Variants in FBXL17 observed in about 807,000 individuals in gnomAD.
The protein encoded by FBXL17 is F-box/LRR-repeat protein 17.
A neutral mutation model predicts 66.2 loss-of-function variants in FBXL17; 22 were observed. The ratio of observed to expected loss-of-function variants is 0.33; its 90% CI spans 0.24 to 0.47. The LOEUF is 0.47. FBXL17 is among the 20% of genes least tolerant of loss of function. The pLI, the probability that FBXL17 is intolerant of heterozygous loss-of-function variation, is 1.00. For missense variants in FBXL17, 878 were observed against 948.2 expected, an observed-to-expected ratio of 0.93 and a Z score of 0.97; for synonymous variants, 474 against 400.5, an observed-to-expected ratio of 1.18 and a Z score of -2.19.
intron 7 of FBXL17, among the ~76,000 whole-genome samples, chr5:107,936,504 T>TCAA (rs1750912582): frequency 6.6e-6 from 1 of 152,144 alleles, no homozygotes; most frequent in Non-Finnish European, 1.5e-5. Context: ...TTCTAGCTAA[T>TCAA]TATTCTTCCT....
intron 4 of FBXL17, among the ~76,000 whole-genome samples, chr5:108,281,856 T>G (rs375284432): frequency 1.3e-5 from 2 of 151,546 alleles, no homozygotes; most frequent in South Asian, 4.1e-4. Context: ...CTTATAACCA[T>G]AGAAATACAA....
intron 4 of FBXL17, among the ~76,000 whole-genome samples, chr5:108,273,292 A>C (rs1246618942): frequency 2.0e-5 from 3 of 152,066 alleles, no homozygotes; most frequent in Non-Finnish European, 4.4e-5. Context: ...ATACATATGT[A>C]ACTAACCTGC....
intron 4 of FBXL17, among the ~76,000 whole-genome samples, chr5:108,312,416 T>G (rs1289231647): frequency 1.3e-5 from 2 of 152,172 alleles, no homozygotes; most frequent in Non-Finnish European, 2.9e-5. Flanking sequence ...TGCTTGACTG[T>G]AGCAGTCCAA....
intron 7 of FBXL17, among the ~76,000 whole-genome samples, chr5:107,887,983 A>G (rs527517581): frequency 3.5e-4 from 54 of 152,306 alleles, no homozygotes; most frequent in Middle Eastern, 3.4e-3. Context: ...TGGTCTCTCA[A>G]ACGGTAGTTA....
chr5:107,987,009 T>C (rs1471484094), intron 7 of FBXL17, among the ~76,000 whole-genome samples: 1 of 151,944 alleles, frequency 6.6e-6, no homozygotes, highest in East Asian at 1.9e-4. Flanking sequence ...AAAACACGAA[T>C]AAACTCAGGA....
chr5:107,880,744 G>C, intron 8 of FBXL17: 1 of 1,284,294 alleles, frequency 7.8e-7, no homozygotes, highest in Non-Finnish European at 9.8e-7. Flanking sequence ...TTTACATTTT[G>C]GTCCATGGAC....
chr5:108,205,953 C>G (rs1754099213), intron 5 of FBXL17, among the ~76,000 whole-genome samples: 2 of 152,068 alleles, frequency 1.3e-5, no homozygotes, highest in East Asian at 3.9e-4. Flanking sequence ...GCTGTGTACT[C>G]TCTACTGCAT....
intron 7 of FBXL17, among the ~76,000 whole-genome samples, chr5:107,935,431 A>G (rs201777641): frequency 0.067 from 4,812 of 71,590 alleles, 240 homozygotes; most frequent in African/African-American, 0.19. Context: ...GTGTGTGTGT[A>G]TGTGTATGTG....
At chr5:107,880,559 T>C in intron 8 of FBXL17, 1 of 1,017,296 alleles carries the variant, frequency 9.8e-7, no homozygotes, top group Non-Finnish European at 1.2e-6. Flanking sequence ...ACCCCCTTAC[T>C]GGCCCTTTGT....
At chr5:108,379,849 C>A (rs1749716721) in intron 1 of FBXL17, among the ~76,000 whole-genome samples, 1 of 152,228 alleles carries the variant, frequency 6.6e-6, no homozygotes, top group African/African-American at 2.4e-5. Context: ...ACACAAACTT[C>A]ATGCAGGACA....
At chr5:108,301,559 G>A (rs757923906) in intron 4 of FBXL17, among the ~76,000 whole-genome samples, 3 of 151,712 alleles carry the variant, frequency 2.0e-5, no homozygotes, top group Non-Finnish European at 2.9e-5. Context: ...ATGAACTGTG[G>A]TTAACTTCTA....
intron 7 of FBXL17, among the ~76,000 whole-genome samples, chr5:107,967,618 C>T (rs1431660127): frequency 6.6e-6 from 1 of 150,992 alleles, no homozygotes; most frequent in Non-Finnish European, 1.5e-5. Context: ...CAACACGGTG[C>T]ATGTATACAT....
At chr5:108,098,719 T>C (rs1034298194) in intron 6 of FBXL17, among the ~76,000 whole-genome samples, 4 of 132,428 alleles carry the variant, frequency 3.0e-5, no homozygotes, top group Admixed American at 2.6e-4. Context: ...CACTCCAGCC[T>C]GGGCAACAGA....
chr5:108,213,556 C>T (rs1299248262), intron 5 of FBXL17, among the ~76,000 whole-genome samples: 1 of 152,162 alleles, frequency 6.6e-6, no homozygotes, highest in African/African-American at 2.4e-5. Context: ...TCCCCAATCC[C>T]TTGCGCTTCC....
intron 6 of FBXL17, among the ~76,000 whole-genome samples, chr5:108,033,427 T>C (rs1254787405): frequency 3.3e-5 from 5 of 152,156 alleles, no homozygotes; most frequent in Admixed American, 6.6e-5. Flanking sequence ...CAAATGCATA[T>C]ATATGTCTAC....
intron 3 of FBXL17, among the ~76,000 whole-genome samples, chr5:108,355,482 C>G (rs1027829713): frequency 6.6e-6 from 1 of 151,946 alleles, no homozygotes; most frequent in Non-Finnish European, 1.5e-5. Flanking sequence ...GGGGTTTTGC[C>G]ATGTTGGCCA....
At chr5:107,870,686 A>G (rs1185132434) in intron 8 of FBXL17, among the ~76,000 whole-genome samples, 2 of 151,736 alleles carry the variant, frequency 1.3e-5, no homozygotes, top group African/African-American at 4.8e-5. Flanking sequence ...CCTGGGTCCA[A>G]GTGATTCTCC....
In FBXL17 at chr5:108,242,384, T is replaced by TGTA. The variant is rs1313105392; in HGVS notation, c.1507-18157_1507-18156insTAC. On this transcript the variant is annotated intron_variant, in intron 4 of 8. Coordinates refer to ENST00000542267, the MANE Select transcript of FBXL17 (RefSeq NM_001163315.3). ...TTGTTGTTGTTGTTGTTGTTGTTGT[T>TGTA]GTTGTTGTTGTTGTCATTGTAGGGA... 1.2e-4 allele frequency among the ~76,000 whole-genome samples: 17 copies of TGTA among 147,808 alleles called. No homozygotes were observed. In the South Asian group the frequency reaches 1.3e-3, roughly 11 times the overall value.
intron 7 of FBXL17, among the ~76,000 whole-genome samples, chr5:107,982,779 T>C (rs1174598466): frequency 6.6e-6 from 1 of 152,204 alleles, no homozygotes; most frequent in Admixed American, 6.5e-5. Context: ...ATTATATTAA[T>C]GCCCTGTTGT....
Sources: gnomAD v4.1 joint callset for allele counts (sites outside exome capture counted in the v4.1 genomes callset) on GRCh38, gnomAD v4.1.1 for gene constraint, MANE v1.5 for transcripts, NCBI Gene and HGNC (gene_info 2026-07-23, HGNC 2026-07-21) for gene names.